Variants in GRIN3B observed in about 807,000 individuals in gnomAD.
GRIN3B encodes the protein glutamate receptor ionotropic, NMDA 3B.
A neutral mutation model predicts 66.0 loss-of-function variants in GRIN3B; 77 were observed. The observed-to-expected ratio is 1.17, with a 90% CI of 0.97 to 1.41. GRIN3B has a LOEUF of 1.41. Among genes scored for constraint, GRIN3B ranks in the 40% most tolerant of loss-of-function variants. The pLI, the probability that GRIN3B is intolerant of heterozygous loss-of-function variation, is 0.00. For synonymous variants in GRIN3B, 823 were observed against 749.7 expected, an observed-to-expected ratio of 1.10 and a Z score of -1.60; for missense variants, 1,787 against 1,564.5, an observed-to-expected ratio of 1.14 and a Z score of -2.40.
chr19:1,002,981 G>A (rs1473893358), intron 1 of GRIN3B, 149 bp from the exon 2 acceptor site: 6 of 535,134 alleles, frequency 1.1e-5, no homozygotes, highest in South Asian at 5.7e-5. Flanking sequence ...ACGATGGAAG[G>A]GTTTAGAGCA....
rs1441632136 is a variant in GRIN3B at position 1,007,001 on chromosome 19, G to A, written c.2053-627G>A. ...CACCAGGTTGCCCTGGCAGCTGTGG[G>A]GAGAACAGACCACGGGTGGTGCAGG... On this transcript the variant is annotated intron_variant, in intron 3 of 8. Transcript: ENST00000234389. This position sits in a 1 kb window ranked among gnomAD's most constrained non-coding sequence, Gnocchi z 4.4. Among the ~76,000 whole-genome samples the A allele has an allele frequency of 6.6e-6, 1 of 152,188 alleles. No homozygotes were observed. Among genetic ancestry groups the A allele is most frequent in the Non-Finnish European group, 1.5e-5 (1 of 68,046 alleles).
chr19:1,009,473 GGT>G lies in GRIN3B; in HGVS notation c.3005_3006del (p.Val1002AlafsTer78). 6.7e-7 allele frequency: 1 copy of G among 1,484,470 alleles called. No homozygotes were observed. The allele number at this position is 1,484,470 out of a possible 1,614,324, so 92.0% of individuals were successfully genotyped here. ...VARERLRQAL[V>X]RRGQLLAQLG... ...CGCGTGAGCGGCTCCGCCAGGCCCT[GGT>G]GCGGCGCGGCCAGCTCCTGGCACAG... On this transcript the variant is annotated frameshift_variant, in exon 9 of 9. Transcript: ENST00000234389. LOFTEE classifies it low-confidence loss of function (END_TRUNC).
At chr19:1,003,012 T>G (rs1599455485) in intron 1 of GRIN3B, 118 bp from the exon 2 acceptor site, 8 of 602,880 alleles carry the variant, frequency 1.3e-5, no homozygotes, top group South Asian at 5.1e-5. Flanking sequence ...TGGGGGGAGG[T>G]GGAGGGGAGG....
At chr19:1,009,009 G>A (rs1485127527) in intron 8 of GRIN3B, 82 bp downstream of exon 8, 11 of 1,509,626 alleles carry the variant, frequency 7.3e-6, no homozygotes, top group Non-Finnish European at 9.9e-6. Context: ...CCGGCCGCGG[G>A]GTGCAGGAGG....
chr19:1,009,280 T>C lies in GRIN3B; in HGVS notation c.2810T>C (p.Leu937Pro). Residue 937 changes from leucine to proline, a missense_variant, in exon 9 of 9, where the codon CTG (leucine) becomes CCG (proline). Transcript: ENST00000234389. ...AVDKERRVRF[L>P]LEPAVVVAPE... Reference sequence around the variant, plus strand: ...GACAAGGAGCGCCGCGTGCGCTTCCTGCTGGAGCCCGCCGTGGTTGTGGCA... The same window carrying C: ...GACAAGGAGCGCCGCGTGCGCTTCCCGCTGGAGCCCGCCGTGGTTGTGGCA... 1 of 1,413,840 alleles carries C rather than the reference T, an allele frequency of 7.1e-7. No homozygotes were observed. Among genetic ancestry groups the C allele is most frequent in the Middle Eastern group, 2.5e-4 (1 of 3,926 alleles). The allele number at this position is 1,413,840 out of a possible 1,614,324, so 87.6% of individuals were successfully genotyped here.
rs2038731306 is a variant in GRIN3B, at chr19:1,005,063, T to TGGCC, written c.1569_1572dup (p.Ala525ProfsTer76). 1 of 1,611,304 alleles carries TGGCC rather than the reference T, an allele frequency of 6.2e-7. No homozygotes were observed. Among genetic ancestry groups the TGGCC allele is most frequent in the Non-Finnish European group, 8.5e-7 (1 of 1,179,044 alleles). Reference sequence around the variant, plus strand: ...TGGACCGGCCTGGTCGGGGACCTGCTGGCCGGCCGGGCCCACATGGCGGTC... The same window carrying TGGCC: ...TGGACCGGCCTGGTCGGGGACCTGCTGGCCGGCCGGCCGGGCCCACATGGCGGTC... On this transcript the variant is annotated frameshift_variant, in exon 3 of 9. Coordinates refer to ENST00000234389, the MANE Select transcript of GRIN3B (RefSeq NM_138690.3). LOFTEE classifies it high-confidence loss of function. This position sits in a 1 kb window ranked among gnomAD's most constrained non-coding sequence, Gnocchi z 5.2.
intron 2 of GRIN3B, 138 bp downstream of exon 2, chr19:1,003,860 G>C: frequency 1.6e-6 from 1 of 622,090 alleles, no homozygotes; most frequent in Non-Finnish European, 2.5e-6. Flanking sequence ...GCCGAGGCGA[G>C]CGGATCACTT....
At position 1,004,572 on chromosome 19, in the gene GRIN3B, A is replaced by AG. The variant is rs745899872; in HGVS notation, c.1073dup (p.Ser359GlnfsTer11). On this transcript the variant is annotated frameshift_variant, in exon 3 of 9. Coordinates refer to ENST00000234389, the MANE Select transcript of GRIN3B (RefSeq NM_138690.3). LOFTEE classifies it high-confidence loss of function. ...GCCGCACGGGCCCCGTGTGGGTGACAGGCAGCTCCCAGGTACACATGTCTC... is the reference window on the plus strand; with the variant it reads ...GCCGCACGGGCCCCGTGTGGGTGACAGGGCAGCTCCCAGGTACACATGTCTC... The AG allele has an allele frequency of 2.0e-5, 32 of 1,564,544 alleles. No homozygotes were observed. In the East Asian group the frequency reaches 7.8e-4, roughly 38 times the overall value.
rs747670580 is a variant in GRIN3B at position 1,005,424 on chromosome 19, G to A, written c.1923G>A (p.Thr641=). 28 of 1,613,462 alleles carry A rather than the reference G, an allele frequency of 1.7e-5. No homozygotes were observed. The highest frequency in any genetic ancestry group is 2.3e-5 in the Non-Finnish European group (27 of 1,179,994). Reference sequence around the variant, plus strand: ...CCAGCAAGACGCCCAAGTGCCCCACGGGCCGCCTGCTCATGAACCTCTGGG... The same window carrying A: ...CCAGCAAGACGCCCAAGTGCCCCACAGGCCGCCTGCTCATGAACCTCTGGG... ...TVSSKTPKCP[T]GRLLMNLWAI... is the part of the protein sequence containing the mutation. The change falls in exon 3 of 9, where the codon ACG becomes ACA. Residue 641 remains threonine (T), a synonymous_variant. Transcript: ENST00000234389. The surrounding 1 kb of genome is among the most constrained non-coding windows in gnomAD (Gnocchi z 5.2).
intron 3 of GRIN3B, among the ~76,000 whole-genome samples, chr19:1,006,140 G>A (rs183072749): frequency 8.6e-5 from 13 of 150,802 alleles, no homozygotes; most frequent in Non-Finnish European, 1.3e-4. Context: ...GTGAGCCACC[G>A]CATCCAGCCT....
At position 1,003,567 on chromosome 19, in the gene GRIN3B, G is replaced by A. The variant is rs750618637; in HGVS notation, c.864G>A (p.Pro288=). The A allele has an allele frequency of 4.7e-6, 7 of 1,501,660 alleles. No individual in the cohort carries two copies. Among genetic ancestry groups the A allele is most frequent in the Non-Finnish European group, 6.2e-6 (7 of 1,131,362 alleles). The allele number at this position is 1,501,660 out of a possible 1,614,324, so 93.0% of individuals were successfully genotyped here. ...LLALGEVARP[P]LEAAIHDIVQ... ...CGCTGGGCGAGGTGGCACGACCCCC[G>A]CTGGAGGCCGCCATCCATGACATTG... Residue 288 remains proline, a synonymous_variant, in exon 2 of 9, where the codon CCG becomes CCA. Transcript: ENST00000234389.
chr19:1,003,465 C>T lies in GRIN3B; in HGVS notation c.762C>T (p.Pro254=), dbSNP rs780045303. ...GTCGGGTGCTGGAGGCCGTACCTCC[C>T]GGCCCCCACTGGCTGTTGGGGACAC... ...RARRVLEAVP[P]GPHWLLGTPL... The change falls in exon 2 of 9, where the codon CCC becomes CCT. Residue 254 remains proline, a synonymous_variant. Coordinates refer to ENST00000234389, the MANE Select transcript of GRIN3B (RefSeq NM_138690.3). 2.8e-5 allele frequency: 43 copies of T among 1,538,326 alleles called. No homozygotes were observed. The highest frequency in any genetic ancestry group is 3.4e-4 in the Middle Eastern group (2 of 5,938).
chr19:1,004,499 A>AC (rs752299560), intron 2 of GRIN3B, 22 bp from the exon 3 acceptor site: 471 of 1,526,362 alleles, frequency 3.1e-4, no homozygotes, highest in Middle Eastern at 1.8e-3. Flanking sequence ...GACACCTGAC[A>AC]CCCCCCCCGC....
Position 1,007,731 on chromosome 19 carries a change from G to T in GRIN3B, c.2156G>T (p.Arg719Leu). ...CCCGACATGCACGCACACATGCGGC[G>T]CCACAGCGCGCCCACCACGCCCCGC... ...SFPDMHAHMR[R>L]HSAPTTPRGV... The change falls in exon 4 of 9, where the codon CGC (arginine) becomes CTC (leucine). Residue 719 changes from arginine to leucine, a missense_variant. Coordinates refer to ENST00000234389, the MANE Select transcript of GRIN3B (RefSeq NM_138690.3). The surrounding 1 kb of genome is among the most constrained non-coding windows in gnomAD (Gnocchi z 4.4). 6.5e-7 allele frequency: 1 copy of T among 1,526,930 alleles called. No individual in the cohort carries two copies. The allele number at this position is 1,526,930 out of a possible 1,614,324, so 94.6% of individuals were successfully genotyped here. A position where few individuals can be genotyped will look rare whatever the true frequency, so the allele number is the denominator to read the frequency against.
Position 1,003,266 on chromosome 19 carries a change from T to C in GRIN3B, c.563T>C (p.Val188Ala). ...LCRTQDPGGL[V>A]ALWTSRAGRP... ...CGCACTCAGGACCCCGGCGGCCTGG[T>C]GGCCCTCTGGACAAGCCGGGCTGGC... The change falls in exon 2 of 9, where the codon GTG becomes GCG. Residue 188 changes from valine to alanine, a missense_variant. By Grantham distance (64) the Val-to-Ala change is moderately conservative. Coordinates refer to ENST00000234389, the MANE Select transcript of GRIN3B (RefSeq NM_138690.3). 1 of 1,572,948 alleles carries C rather than the reference T, an allele frequency of 6.4e-7. No individual in the cohort carries two copies.
rs1408132847 is a variant in GRIN3B, at chr19:1,000,527, G to A, written c.90G>A (p.Leu30=). 2 of 1,174,646 alleles carry A rather than the reference G, an allele frequency of 1.7e-6. No homozygotes were observed. The highest frequency in any genetic ancestry group is 2.1e-6 in the Non-Finnish European group (2 of 951,360). 72.8% of individuals were successfully genotyped at this position (1,174,646 alleles called of 1,614,324 possible). ...AGGHPQPCGV[L]ARLGGSVRLG... ...GCCACCCTCAGCCGTGCGGCGTCCT[G>A]GCGCGCCTCGGGGGCTCCGTGCGCC... Residue 30 remains leucine, a synonymous_variant, in exon 1 of 9, where the codon CTG becomes CTA. Coordinates refer to ENST00000234389, the MANE Select transcript of GRIN3B (RefSeq NM_138690.3).
At chr19:1,008,436 C>CGGCTG (rs1568393510) in intron 6 of GRIN3B, 145 bp downstream of exon 6, 1 of 1,033,054 alleles carries the variant, frequency 9.7e-7, no homozygotes, top group African/African-American at 1.6e-5. Flanking sequence ...TACAAAACCC[C>CGGCTG]GGCTGCAGTG....
intron 7 of GRIN3B, 37 bp from the exon 8 acceptor site, chr19:1,008,820 C>T (rs764491913): frequency 1.9e-6 from 3 of 1,591,336 alleles, no homozygotes; most frequent in Non-Finnish European, 1.7e-6. Context: ...CCCACCCCCC[C>T]CGCCTCCTCG....
In GRIN3B at chr19:1,008,306, G is replaced by A. The variant is rs770045106; in HGVS notation, c.2466+15G>A. On this transcript the variant is annotated intron_variant, in intron 6 of 8. Coordinates refer to ENST00000234389, the MANE Select transcript of GRIN3B (RefSeq NM_138690.3). ...CGGTTACAGAGGTGGGGCAGGGCCT[G>A]GGACAGAGGGTGGGGGTGGGGGTGG... 15 of 1,144,312 alleles carry A rather than the reference G, an allele frequency of 1.3e-5. No individual in the cohort carries two copies. The highest frequency in any genetic ancestry group is 1.8e-5 in the Admixed American group (1 of 55,274). 70.9% of individuals were successfully genotyped at this position (1,144,312 alleles called of 1,614,324 possible).
Sources: allele counts gnomAD v4.1 joint callset (sites outside exome capture counted in the v4.1 genomes callset), GRCh38; gene constraint gnomAD v4.1.1; non-coding constraint Gnocchi (gnomAD v3.1); transcripts MANE v1.5; gene names NCBI Gene and HGNC (gene_info 2026-07-23, HGNC 2026-07-21).